Variants in SARDH observed in about 807,000 individuals in gnomAD.
The protein encoded by SARDH is sarcosine dehydrogenase, mitochondrial.
A neutral mutation model predicts 109.1 loss-of-function variants in SARDH; 95 were observed. The ratio of observed to expected loss-of-function variants is 0.87; its 90% CI spans 0.74 to 1.03. SARDH has a LOEUF of 1.03. SARDH is among the 50% of genes least tolerant of loss of function. The pLI is 0.00. For missense variants in SARDH, 1,267 were observed against 1,287.8 expected (o/e 0.98, Z 0.25); for synonymous variants, 572 against 534.8 (o/e 1.07, Z -0.96).
At chr9:133,683,886 C>A (rs567087681) in intron 17 of SARDH, among the ~76,000 whole-genome samples, 1 of 152,182 alleles carries the variant, frequency 6.6e-6, no homozygotes, top group Admixed American at 6.5e-5. Flanking sequence ...CAAACGCGGC[C>A]GTGCACCCGC....
chr9:133,727,834 C>T (rs565735953), intron 6 of SARDH, among the ~76,000 whole-genome samples: 1 of 152,288 alleles, frequency 6.6e-6, no homozygotes, highest in East Asian at 1.9e-4. Context: ...TAGGCCAACT[C>T]TGCCTTGCTT....
upstream of SARDH, chr9:133,738,412 G>A (rs1406010332): frequency 2.0e-5 from 3 of 152,042 alleles, no homozygotes; most frequent in East Asian, 3.9e-4. Flanking sequence ...GGATCTGGGC[G>A]GAGCGTACCG....
In SARDH at chr9:133,708,406, C is replaced by A; in HGVS notation, c.1351G>T (p.Asp451Tyr). The change falls in exon 11 of 21, where the codon GAC (aspartate) becomes TAC (tyrosine). Residue 451 changes from aspartate (D) to tyrosine (Y), a missense_variant. By Grantham distance (160) the Asp-to-Tyr change is radical. Transcript: ENST00000439388. ...DIRRFHHSLT[D>Y]HPRWIRERSH... is the part of the protein sequence containing the mutation. ...CGCTCTCGGATCCAGCGGGGGTGGT[C>A]CGTGAGCGAGTGATGGAAGCGCCTG... 2 of 1,611,304 alleles carry A rather than the reference C, an allele frequency of 1.2e-6. No homozygotes were observed.
At chr9:133,700,944 A>C (rs1253172928) in intron 13 of SARDH, among the ~76,000 whole-genome samples, 3 of 152,202 alleles carry the variant, frequency 2.0e-5, no homozygotes, top group Non-Finnish European at 2.9e-5. Flanking sequence ...AGCAACAACC[A>C]CAGCTTCCTG....
chr9:133,708,500 G>T, intron 10 of SARDH, 72 bp from the exon 11 acceptor site: 2 of 1,519,696 alleles, frequency 1.3e-6, no homozygotes, highest in Non-Finnish European at 1.8e-6. Flanking sequence ...TAGGACCCAG[G>T]GTAAGCCTGG....
chr9:133,680,715 G>A (rs62575444), intron 17 of SARDH, among the ~76,000 whole-genome samples: 1 of 152,042 alleles, frequency 6.6e-6, no homozygotes, highest in Admixed American at 6.6e-5. Flanking sequence ...TCAAGCTCCT[G>A]AGGGCCACAG....
Position 133,717,507 on chromosome 9 carries a change from A to T in SARDH, c.1021-52T>A, listed in dbSNP as rs760256850. 5 of 1,606,624 alleles carry T rather than the reference A, an allele frequency of 3.1e-6. No individual in the cohort carries two copies. In the Admixed American group the frequency reaches 8.4e-5, roughly 27 times the overall value. On this transcript the variant is annotated intron_variant, in intron 7 of 20. Transcript: ENST00000439388. Reference sequence around the variant, plus strand: ...TCCGTTGTCCCCAAGAAGGCCATGCATCCCCATGCCAAACCTGCCTTGTGA... The same window carrying T: ...TCCGTTGTCCCCAAGAAGGCCATGCTTCCCCATGCCAAACCTGCCTTGTGA...
At chr9:133,734,456 T>TTCAC (rs1411061165) in intron 1 of SARDH, among the ~76,000 whole-genome samples, 7 of 144,220 alleles carry the variant, frequency 4.9e-5, no homozygotes, top group African/African-American at 1.7e-4. Context: ...CATTCATTCA[T>TTCAC]TCACTCATTC....
chr9:133,712,581 G>A lies in SARDH; in HGVS notation c.1328+38C>T. 1 of 1,559,528 alleles carries A rather than the reference G, an allele frequency of 6.4e-7. No homozygotes were observed. The highest frequency in any genetic ancestry group is 8.8e-7 in the Non-Finnish European group (1 of 1,141,228). ...GTTTACCCCACGCCACCTGTCCTGA[G>A]TGGCGGGCCCTGCCCTTAGGTCCCA... is the stretch of plus-strand genomic sequence containing the variant. On this transcript the variant is annotated intron_variant, in intron 10 of 20. Coordinates refer to ENST00000439388, the MANE Select transcript of SARDH (RefSeq NM_001134707.2). This position sits in a 1 kb window ranked among gnomAD's most constrained non-coding sequence, Gnocchi z 4.1.
intron 17 of SARDH, among the ~76,000 whole-genome samples, chr9:133,678,041 A>G (rs2131351032): frequency 1.3e-5 from 2 of 152,314 alleles, no homozygotes; most frequent in East Asian, 3.9e-4. Flanking sequence ...AGACCCTTCC[A>G]GGCCCTGGAG....
At chr9:133,673,733 T>C (rs1830426989) in intron 17 of SARDH, among the ~76,000 whole-genome samples, 1 of 152,226 alleles carries the variant, frequency 6.6e-6, no homozygotes, top group Non-Finnish European at 1.5e-5. Flanking sequence ...GGTTCTAATT[T>C]TAGATAGCCT....
chr9:133,738,385 C>G (rs1832954281), upstream of SARDH: 1 of 151,414 alleles, frequency 6.6e-6, no homozygotes, highest in African/African-American at 2.4e-5. Flanking sequence ...TCGCTGCCAG[C>G]CCCATGTCTC....
chr9:133,667,535 C>T (rs1029420947), intron 19 of SARDH, among the ~76,000 whole-genome samples: 3 of 151,470 alleles, frequency 2.0e-5, no homozygotes, highest in Non-Finnish European at 4.4e-5. Flanking sequence ...TACATGAATG[C>T]TCACTGTAAA....
chr9:133,666,873 G>A lies in SARDH; in HGVS notation c.2496-3C>T, dbSNP rs1239363147. 1.2e-6 allele frequency: 2 copies of A among 1,612,366 alleles called. No homozygotes were observed. The highest frequency in any genetic ancestry group is 1.1e-5 in the South Asian group (1 of 90,778). On this transcript the variant is annotated splice_polypyrimidine_tract_variant and splice_region_variant and intron_variant, in intron 19 of 20. Transcript: ENST00000439388. This position sits in a 1 kb window ranked among gnomAD's most constrained non-coding sequence, Gnocchi z 5.2. ...CCAGGCCAAACATGGGTACTTTGCTGGAAGAAGCAGTAGAGAAAGCTGGGG... is the reference window on the plus strand; with the variant it reads ...CCAGGCCAAACATGGGTACTTTGCTAGAAGAAGCAGTAGAGAAAGCTGGGG...
upstream of SARDH, among the ~76,000 whole-genome samples, chr9:133,738,688 G>A (rs933459676): frequency 1.3e-5 from 2 of 152,246 alleles, no homozygotes; most frequent in South Asian, 2.1e-4. Context: ...CAGGCAGGGT[G>A]GGCAGGAAAG....
chr9:133,676,683 A>C (rs1416171083), intron 17 of SARDH, among the ~76,000 whole-genome samples: 1 of 152,206 alleles, frequency 6.6e-6, no homozygotes, highest in African/African-American at 2.4e-5. Context: ...CGTCCAACAG[A>C]AGGTCAAGGA....
Position 133,696,264 on chromosome 9 carries a change from G to A in SARDH, c.1766C>T (p.Ala589Val). Residue 589 changes from alanine (A) to valine (V), a missense_variant, in exon 14 of 21, where the codon GCT (alanine) becomes GTT (valine). Coordinates refer to ENST00000439388, the MANE Select transcript of SARDH (RefSeq NM_001134707.2). ...ATCTGCGGAGAAGAGCCAGTCGGCA[G>A]CCTTCCTTGCATCCAGCCCCACCAG... ...FYLVGLDARK[A>V]ADWLFSADVS... The A allele has an allele frequency of 6.2e-7, 1 of 1,614,168 alleles. No homozygotes were observed. The highest frequency in any genetic ancestry group is 1.1e-5 in the South Asian group (1 of 91,086).
Position 133,696,306 on chromosome 9 carries a change from T to G in SARDH, c.1724A>C (p.Tyr575Ser), listed in dbSNP as rs766966515. The change falls in exon 14 of 21, where the codon TAC (tyrosine) becomes TCC (serine). Residue 575 changes from tyrosine to serine, a missense_variant. Tyr to Ser is a moderately radical substitution (Grantham distance 144). Transcript: ENST00000439388. ...CCCCACCAGGTAGAACTTCCCGAAGTAGGACATGTCAAACACAGCGGCGGC... is the reference window on the plus strand; with the variant it reads ...CCCCACCAGGTAGAACTTCCCGAAGGAGGACATGTCAAACACAGCGGCGGC... ...RGAAAVFDMS[Y>S]FGKFYLVGLD... The G allele has an allele frequency of 1.9e-6, 3 of 1,614,018 alleles. No individual in the cohort carries two copies. The Admixed American group carries it at 5.0e-5, about 27-fold the overall frequency.
Position 133,718,127 on chromosome 9 carries a change from A to T in SARDH, c.1021-672T>A, listed in dbSNP as rs982120602. On this transcript the variant is annotated intron_variant, in intron 7 of 20. Transcript: ENST00000439388. This position sits in a 1 kb window ranked among gnomAD's most constrained non-coding sequence, Gnocchi z 4.2. The stretch of plus-strand genomic sequence containing the variant: ...CACTCTGTCACCCAGGCTGGAGTAA[A>T]GTGGTGCGATCTCGGCTCACTGCCA... 6.6e-6 allele frequency among the ~76,000 whole-genome samples: 1 copy of T among 152,162 alleles called. No individual in the cohort carries two copies. The highest frequency in any genetic ancestry group is 2.4e-5 in the African/African-American group (1 of 41,432).
Sources: gnomAD v4.1 joint callset for allele counts (sites outside exome capture counted in the v4.1 genomes callset) on GRCh38, gnomAD v4.1.1 for gene constraint, Gnocchi (gnomAD v3.1) non-coding constraint, MANE v1.5 for transcripts, NCBI Gene and HGNC (gene_info 2026-07-23, HGNC 2026-07-21) for gene names.